The following CIART variants were observed in gnomAD, a reference collection of about 807,000 sequenced individuals.
The protein encoded by CIART is circadian associated repressor of transcription, also known as circadian-associated transcriptional repressor.
CIART carries 7 observed loss-of-function variants against 22.1 expected under a neutral mutation model. The ratio of observed to expected loss-of-function variants is 0.32; its 90% CI spans 0.18 to 0.59. CIART has a LOEUF of 0.59. CIART is among the 20% of genes least tolerant of loss of function. CIART has a pLI of 0.86. For missense variants in CIART, 440 were observed against 478.0 expected, an observed-to-expected ratio of 0.92 and a Z score of 0.74; for synonymous variants, 163 against 174.6, an observed-to-expected ratio of 0.93 and a Z score of 0.53.
At position 150,286,458 on chromosome 1, in the gene CIART, C is replaced by T; in HGVS notation, c.662C>T (p.Ala221Val). Residue 221 changes from alanine to valine, a missense_variant, in exon 5 of 5, where the codon GCT becomes GTT. By Grantham distance (64) the Ala-to-Val change is moderately conservative. Coordinates refer to ENST00000290363, the MANE Select transcript of CIART (RefSeq NM_144697.4). ...KHFPSHHSDS[A>V]ASSPASPMEK... Reference sequence around the variant, plus strand: ...TTTCCAAGCCACCACAGTGATTCAGCTGCTTCCTCTCCTGCATCTCCTATG... The same window carrying T: ...TTTCCAAGCCACCACAGTGATTCAGTTGCTTCCTCTCCTGCATCTCCTATG... The T allele has an allele frequency of 6.3e-7, 1 of 1,588,534 alleles. No homozygotes were observed. Among genetic ancestry groups the T allele is most frequent in the Non-Finnish European group, 8.6e-7 (1 of 1,157,150 alleles).
intron 1 of CIART, 27 bp from the exon 2 acceptor site, chr1:150,283,778 T>C (rs1653301913): frequency 6.4e-7 from 1 of 1,557,300 alleles, no homozygotes; most frequent in East Asian, 2.2e-5. Flanking sequence ...TTTGTCTTCT[T>C]ACAGCCTTTG....
chr1:150,286,818 C>T lies in CIART; in HGVS notation c.1022C>T (p.Thr341Ile). Residue 341 changes from threonine (T) to isoleucine (I), a missense_variant, in exon 5 of 5, where the codon ACT becomes ATT. By Grantham distance (89) the Thr-to-Ile change is moderately conservative (BLOSUM62 -1). Transcript: ENST00000290363. ...EGPRCYSLPV[T>I]LPSDWSYTLS... ...CCTCGTTGCTACAGTTTGCCAGTAA[C>T]TCTGCCATCAGACTGGAGCTATACC... 2.5e-6 allele frequency: 4 copies of T among 1,613,790 alleles called. No homozygotes were observed. The highest frequency in any genetic ancestry group is 3.4e-6 in the Non-Finnish European group (4 of 1,179,740).
intron 4 of CIART, chr1:150,285,365 G>A (rs151254127): frequency 0.019 from 2,889 of 152,440 alleles, 30 homozygotes; most frequent in Non-Finnish European, 0.029. Context: ...GTGAAACCCC[G>A]TCTTTACTAA....
In CIART at chr1:150,286,773, T is replaced by G; in HGVS notation, c.977T>G (p.Met326Arg). Residue 326 changes from methionine to arginine, a missense_variant, in exon 5 of 5, where the codon ATG becomes AGG. Met to Arg is a moderately conservative substitution (Grantham distance 91). Coordinates refer to ENST00000290363, the MANE Select transcript of CIART (RefSeq NM_144697.4). ...TASPVIPGEP[M>R]KLSGEGPRCY... Reference sequence around the variant, plus strand: ...TCTCCTGTCATCCCTGGTGAGCCTATGAAACTATCTGGAGAGGGTCCTCGT... The same window carrying G: ...TCTCCTGTCATCCCTGGTGAGCCTAGGAAACTATCTGGAGAGGGTCCTCGT... The G allele has an allele frequency of 6.2e-7, 1 of 1,613,534 alleles. No individual in the cohort carries two copies. The highest frequency in any genetic ancestry group is 8.5e-7 in the Non-Finnish European group (1 of 1,179,440).
intron 4 of CIART, among the ~76,000 whole-genome samples, chr1:150,286,027 C>T (rs1248565471): frequency 6.6e-6 from 1 of 152,090 alleles, no homozygotes. Context: ...TTAATTTACA[C>T]TTCTTAAAGA....
chr1:150,286,482 T>C lies in CIART; in HGVS notation c.686T>C (p.Met229Thr), dbSNP rs1325096231. 6.3e-7 allele frequency: 1 copy of C among 1,587,646 alleles called. No individual in the cohort carries two copies. The highest frequency in any genetic ancestry group is 8.6e-7 in the Non-Finnish European group (1 of 1,156,402). ...GCTGCTTCCTCTCCTGCATCTCCTA[T>C]GGAAAAGATGGACCAGACACAGCTA... ...DSAASSPASP[M>T]EKMDQTQLGH... The change falls in exon 5 of 5, where the codon ATG (methionine) becomes ACG (threonine). Residue 229 changes from methionine to threonine, a missense_variant. Transcript: ENST00000290363.
rs781948391 is a variant in CIART, at chr1:150,284,584, G to A, written c.522-13G>A. Reference sequence around the variant, plus strand: ...CCTGTTGCTGGTTTTTTAAAGCAACGTCATTTTCACAGGGAACGTTACCTA... The same window carrying A: ...CCTGTTGCTGGTTTTTTAAAGCAACATCATTTTCACAGGGAACGTTACCTA... On this transcript the variant is annotated splice_polypyrimidine_tract_variant and intron_variant, in intron 3 of 4. Coordinates refer to ENST00000290363, the MANE Select transcript of CIART (RefSeq NM_144697.4). 15 of 1,605,716 alleles carry A rather than the reference G, an allele frequency of 9.3e-6. No individual in the cohort carries two copies. Among genetic ancestry groups the A allele is most frequent in the Admixed American group, 1.7e-5 (1 of 59,938 alleles).
rs782736909 is a variant in CIART at position 150,284,625 on chromosome 1, G to A, written c.550G>A (p.Val184Ile). The A allele has an allele frequency of 3.1e-6, 5 of 1,613,826 alleles. No homozygotes were observed. In the South Asian group the frequency reaches 4.4e-5, roughly 14 times the overall value. ...ACGTTACCTAGGAACCTTGCTACAG[G>A]TAGAAGGGATGTTAAAGACTTGGTT... ...GERYLGTLLQ[V>I]EGMLKTWFPQ... is the part of the protein sequence containing the mutation. The change falls in exon 4 of 5, where the codon GTA (valine) becomes ATA (isoleucine). Residue 184 changes from valine (V) to isoleucine (I), a missense_variant. Coordinates refer to ENST00000290363, the MANE Select transcript of CIART (RefSeq NM_144697.4).
rs782403086 is a variant in CIART, at chr1:150,286,859, C to T, written c.1063C>T (p.Leu355=). The T allele has an allele frequency of 2.5e-6, 4 of 1,613,190 alleles. No individual in the cohort carries two copies. The East Asian group carries it at 8.9e-5, about 36-fold the overall frequency. Reference sequence around the variant, plus strand: ...GAGCTATACCCTATCCCCTCCCAGTCTACCCACCTTGGCCAGAAAGATGAC... The same window carrying T: ...GAGCTATACCCTATCCCCTCCCAGTTTACCCACCTTGGCCAGAAAGATGAC... The part of the protein sequence containing the change: ...DWSYTLSPPS[L]PTLARKMTIG... Residue 355 remains leucine, a synonymous_variant, in exon 5 of 5, where the codon CTA becomes TTA. Coordinates refer to ENST00000290363, the MANE Select transcript of CIART (RefSeq NM_144697.4).
At position 150,283,615 on chromosome 1, in the gene CIART, C is replaced by G. The variant is rs1404146637; in HGVS notation, c.348C>G (p.Asp116Glu). ...CCCAAGGTTGTACCACAGAGGGAGA[C>G]CTGCTGTTTGCCCAGAAGGTAAGAG... ...LNTQGCTTEGDLLFAQKCKEL... is the reference protein window; with the variant it reads ...LNTQGCTTEGELLFAQKCKEL... Residue 116 changes from aspartate to glutamate, a missense_variant, in exon 1 of 5, where the codon GAC becomes GAG. Transcript: ENST00000290363. The G allele has an allele frequency of 6.2e-7, 1 of 1,613,638 alleles. No individual in the cohort carries two copies.
chr1:150,284,511 C>T lies in CIART; in HGVS notation c.521+7C>T, dbSNP rs782549592. 3 of 1,605,842 alleles carry T rather than the reference C, an allele frequency of 1.9e-6. No homozygotes were observed. Among genetic ancestry groups the T allele is most frequent in the South Asian group, 2.2e-5 (2 of 90,946 alleles). On this transcript the variant is annotated splice_region_variant and intron_variant, in intron 3 of 4. Coordinates refer to ENST00000290363, the MANE Select transcript of CIART (RefSeq NM_144697.4). ...TGCAGAAGCCACAGATGGGGTAAGTCCCGCTGGTTCTTTGCTTGGGTCTTC... is the reference window on the plus strand; with the variant it reads ...TGCAGAAGCCACAGATGGGGTAAGTTCCGCTGGTTCTTTGCTTGGGTCTTC...
rs1448949853 is a variant in CIART at position 150,287,037 on chromosome 1, A to G, written c.*83A>G. On this transcript the variant is annotated 3_prime_UTR_variant, in exon 5 of 5. Coordinates refer to ENST00000290363, the MANE Select transcript of CIART (RefSeq NM_144697.4). Reference sequence around the variant, plus strand: ...ATGTATTTTTACTATTAATGTGTGCATTTGTGTTGAGGGAAGATAAATCCT... The same window carrying G: ...ATGTATTTTTACTATTAATGTGTGCGTTTGTGTTGAGGGAAGATAAATCCT... 2 of 1,288,342 alleles carry G rather than the reference A, an allele frequency of 1.6e-6. No homozygotes were observed. The highest frequency in any genetic ancestry group is 2.1e-6 in the Non-Finnish European group (2 of 964,236). The allele number at this position is 1,288,342 out of a possible 1,614,324, so 79.8% of individuals were successfully genotyped here. A position where few individuals can be genotyped will look rare whatever the true frequency, so the allele number is the denominator to read the frequency against.
At position 150,283,421 on chromosome 1, in the gene CIART, A is replaced by G. The variant is rs782520241; in HGVS notation, c.154A>G (p.Arg52Gly). 1 of 1,614,064 alleles carries G rather than the reference A, an allele frequency of 6.2e-7. No individual in the cohort carries two copies. Among genetic ancestry groups the G allele is most frequent in the Admixed American group, 1.7e-5 (1 of 60,004 alleles). ...HGPRPDTVGQ[R>G]GGSRPSPGPI... ...GCCCAGGCCAGACACTGTTGGGCAG[A>G]GGGGAGGTTCACGGCCCAGCCCGGG... The change falls in exon 1 of 5, where the codon AGG becomes GGG. Residue 52 changes from arginine to glycine, a missense_variant. Coordinates refer to ENST00000290363, the MANE Select transcript of CIART (RefSeq NM_144697.4).
intron 4 of CIART, 31 bp downstream of exon 4, chr1:150,284,739 G>C (rs1553854287): frequency 6.6e-7 from 1 of 1,506,732 alleles, no homozygotes; most frequent in East Asian, 2.3e-5. Flanking sequence ...GGAAGAGGTG[G>C]GAAAATAGCC....
At position 150,283,441 on chromosome 1, in the gene CIART, C is replaced by A; in HGVS notation, c.174C>A (p.Ser58Arg). Residue 58 changes from serine to arginine, a missense_variant, in exon 1 of 5, where the codon AGC (serine) becomes AGA (arginine). Physicochemically the swap from Ser to Arg is moderately radical, Grantham distance 110 (BLOSUM62 -1). Coordinates refer to ENST00000290363, the MANE Select transcript of CIART (RefSeq NM_144697.4). ...TVGQRGGSRP[S>R]PGPIRCRHRS... ...GGCAGAGGGGAGGTTCACGGCCCAGCCCGGGTCCTATCCGCTGCAGGCATC... is the reference window on the plus strand; with the variant it reads ...GGCAGAGGGGAGGTTCACGGCCCAGACCGGGTCCTATCCGCTGCAGGCATC... 1 of 1,614,214 alleles carries A rather than the reference C, an allele frequency of 6.2e-7. No individual in the cohort carries two copies. The highest frequency in any genetic ancestry group is 8.5e-7 in the Non-Finnish European group (1 of 1,180,034).
At position 150,283,218 on chromosome 1, in the gene CIART, C is replaced by T. The variant is rs948163515; in HGVS notation, c.-50C>T. ...CGCTTTGCTCTTCAGTTGCAGGTTC[C>T]GATCTTTGGGTACTCCAGGAGCTGT... On this transcript the variant is annotated 5_prime_UTR_variant, in exon 1 of 5. Transcript: ENST00000290363. 1 of 1,469,930 alleles carries T rather than the reference C, an allele frequency of 6.8e-7. No homozygotes were observed. The highest frequency in any genetic ancestry group is 2.4e-5 in the Admixed American group (1 of 41,958). 91.1% of individuals were successfully genotyped at this position (1,469,930 alleles called of 1,614,324 possible).
Position 150,282,722 on chromosome 1 carries a change from A to C in CIART, c.-546A>C, listed in dbSNP as rs1653204035. 6.6e-6 allele frequency: 1 copy of C among 152,660 alleles called. No homozygotes were observed. The highest frequency in any genetic ancestry group is 2.4e-5 in the African/African-American group (1 of 41,440). The allele number at this position is 152,660 out of a possible 1,614,324, so 9.5% of individuals were successfully genotyped here. On this transcript the variant is annotated 5_prime_UTR_variant, in exon 1 of 5. Coordinates refer to ENST00000290363, the MANE Select transcript of CIART (RefSeq NM_144697.4). ...ATTGGGAGGGTTTGCATCACGTGGCAGGTGCGAGCCCAGAGAGACCGGCGC... is the reference window on the plus strand; with the variant it reads ...ATTGGGAGGGTTTGCATCACGTGGCCGGTGCGAGCCCAGAGAGACCGGCGC...
rs149326880 is a variant in CIART, at chr1:150,284,701, T to C, written c.626T>C (p.Leu209Pro). Residue 209 changes from leucine (L) to proline (P), a missense_variant, in exon 4 of 5, where the codon CTG (leucine) becomes CCG (proline). Physicochemically the swap from Leu to Pro is moderately conservative, Grantham distance 98. Coordinates refer to ENST00000290363, the MANE Select transcript of CIART (RefSeq NM_144697.4). ...KSSLGGGKHQ[L>P]TKHFPSHHSD... ...TCATTGGGTGGTGGCAAGCATCAGC[T>C]GACCAAGGTAAGAACTTAAGAACAC... is the stretch of plus-strand genomic sequence containing the variant. The C allele has an allele frequency of 2.5e-6, 4 of 1,609,248 alleles. No individual in the cohort carries two copies. The African/African-American group carries it at 4.0e-5, about 16-fold the overall frequency.
chr1:150,287,035 G>A lies in CIART; in HGVS notation c.*81G>A, dbSNP rs1653542169. ...ATATGTATTTTTACTATTAATGTGTGCATTTGTGTTGAGGGAAGATAAATC... is the reference window on the plus strand; with the variant it reads ...ATATGTATTTTTACTATTAATGTGTACATTTGTGTTGAGGGAAGATAAATC... On this transcript the variant is annotated 3_prime_UTR_variant, in exon 5 of 5. Transcript: ENST00000290363. 1 of 1,295,806 alleles carries A rather than the reference G, an allele frequency of 7.7e-7. No individual in the cohort carries two copies. Among genetic ancestry groups the A allele is most frequent in the East Asian group, 2.7e-5 (1 of 37,458 alleles). 80.3% of individuals were successfully genotyped at this position (1,295,806 alleles called of 1,614,324 possible). A position where few individuals can be genotyped will look rare whatever the true frequency, so the allele number is the denominator to read the frequency against.
Sources: gnomAD v4.1 joint callset for allele counts (sites outside exome capture counted in the v4.1 genomes callset) on GRCh38, gnomAD v4.1.1 for gene constraint, MANE v1.5 for transcripts, NCBI Gene and HGNC (gene_info 2026-07-23, HGNC 2026-07-21) for gene names.